The following TNIP3 variants were observed in gnomAD, a reference collection of about 807,000 sequenced individuals.
The protein encoded by TNIP3 is TNFAIP3-interacting protein 3.
Under a neutral mutation model 54.1 loss-of-function variants are expected in TNIP3, and 34 were observed. That is an observed-to-expected ratio of 0.63 (90% confidence interval 0.48 to 0.84). The LOEUF (loss-of-function observed/expected upper bound fraction) is 0.84. Ranked by LOEUF, TNIP3 falls within the 40% of genes least tolerant of loss-of-function variation. The probability of loss-of-function intolerance (pLI) is 0.00; values close to 1 mark genes in which losing one functional copy is unlikely to be tolerated. For synonymous variants in TNIP3, 134 were observed against 136.8 expected (o/e 0.98, Z 0.14); for missense variants, 366 against 387.6 (o/e 0.94, Z 0.47).
intron 2 of TNIP3, among the ~76,000 whole-genome samples, chr4:121,209,497 AT>A (rs1372898348): frequency 6.6e-6 from 1 of 152,152 alleles, no homozygotes; most frequent in Non-Finnish European, 1.5e-5. Flanking sequence ...AAAACTACGC[AT>A]TTGTGGTCAG....
intron 2 of TNIP3, 45 bp from the exon 3 acceptor site, chr4:121,158,797 A>G (rs758950178): frequency 3.6e-5 from 54 of 1,502,328 alleles, no homozygotes; most frequent in Admixed American, 7.7e-5. Context: ...ATTTCTGCCC[A>G]TTTGGAAGTT....
intron 3 of TNIP3, among the ~76,000 whole-genome samples, chr4:121,170,596 G>T (rs945791131): frequency 3.3e-5 from 5 of 151,834 alleles, no homozygotes; most frequent in Non-Finnish European, 7.4e-5. Flanking sequence ...TTTTTTACTT[G>T]ATTTTGATTA....
upstream of TNIP3, among the ~76,000 whole-genome samples, chr4:121,220,185 A>G (rs1364959954): frequency 2.0e-5 from 3 of 152,240 alleles, no homozygotes; most frequent in Non-Finnish European, 4.4e-5. Flanking sequence ...TTTCTTATTG[A>G]TCACATAAGA....
Position 121,138,761 on chromosome 4 carries a change from A to G in TNIP3, c.886-77T>C, listed in dbSNP as rs113184206. 8.9e-4 allele frequency: 1,202 copies of G among 1,351,668 alleles called. 8 individuals carry two copies. In the African/African-American group the frequency reaches 0.015, roughly 17 times the overall value. The allele number at this position is 1,351,668 out of a possible 1,614,324, so 83.7% of individuals were successfully genotyped here. A position where few individuals can be genotyped will look rare whatever the true frequency, so the allele number is the denominator to read the frequency against. On this transcript the variant is annotated intron_variant, in intron 9 of 10. Coordinates refer to ENST00000057513, the MANE Select transcript of TNIP3 (RefSeq NM_024873.6). ...GGCATGTCAAAAATACAATTAGGCT[A>G]TGTGGCTTTTATTAAGCAGGCAACA...
chr4:121,192,127 C>A (rs1164562280), intron 2 of TNIP3, among the ~76,000 whole-genome samples: 3 of 152,082 alleles, frequency 2.0e-5, no homozygotes, highest in South Asian at 4.1e-4. Flanking sequence ...GATTACAAGT[C>A]TTGATTCTAC....
At chr4:121,176,818 T>C (rs28452005) in intron 3 of TNIP3, among the ~76,000 whole-genome samples, 5,396 of 152,252 alleles carry the variant, frequency 0.035, 319 homozygotes, top group African/African-American at 0.12. Context: ...TATATTAATC[T>C]CTGAACCAAC....
chr4:121,221,713 C>T (rs1381771553), intron 1 of TNIP3, among the ~76,000 whole-genome samples: 3 of 151,958 alleles, frequency 2.0e-5, no homozygotes, highest in Non-Finnish European at 4.4e-5. Context: ...GGCTGCACAT[C>T]GTTTGGCTAA....
intron 4 of TNIP3, among the ~76,000 whole-genome samples, chr4:121,155,894 A>C (rs894677157): frequency 6.6e-6 from 1 of 152,234 alleles, no homozygotes; most frequent in Non-Finnish European, 1.5e-5. Flanking sequence ...AAGGGAAAAT[A>C]TTTCTATTTG....
At chr4:121,224,628 T>C (rs1727182846) in intron 1 of TNIP3, among the ~76,000 whole-genome samples, 1 of 152,222 alleles carries the variant, frequency 6.6e-6, no homozygotes, top group Non-Finnish European at 1.5e-5. Context: ...TTTTAATTTG[T>C]CTACCTTAAA....
At chr4:121,182,547 A>G in intron 3 of TNIP3, 1 of 1,089,012 alleles carries the variant, frequency 9.2e-7, no homozygotes, top group Non-Finnish European at 1.3e-6. Context: ...GCTTCAGTTT[A>G]TCCTCTCAGC....
chr4:121,164,295 T>C lies in TNIP3; in HGVS notation c.-170A>G. 7.0e-7 allele frequency: 1 copy of C among 1,430,248 alleles called. No individual in the cohort carries two copies. The highest frequency in any genetic ancestry group is 1.5e-5 in the South Asian group (1 of 66,096). 88.6% of individuals were successfully genotyped at this position (1,430,248 alleles called of 1,614,324 possible). A position where few individuals can be genotyped will look rare whatever the true frequency, so the allele number is the denominator to read the frequency against. On this transcript the variant is annotated 5_prime_UTR_variant, in exon 1 of 11. Transcript: ENST00000057513. ...GGTTTTCATTAAAAATGAACAGAAGTGACTGTGGATAGGAATTACACAGAA... is the reference window on the plus strand; with the variant it reads ...GGTTTTCATTAAAAATGAACAGAAGCGACTGTGGATAGGAATTACACAGAA...
chr4:121,215,115 A>G (rs1469696336), intron 2 of TNIP3, among the ~76,000 whole-genome samples: 2 of 152,194 alleles, frequency 1.3e-5, no homozygotes, highest in Non-Finnish European at 2.9e-5. Context: ...TCCCTTTCCA[A>G]TTAATTTTAA....
At chr4:121,224,436 C>T (rs777043563) in intron 1 of TNIP3, among the ~76,000 whole-genome samples, 40 of 152,124 alleles carry the variant, frequency 2.6e-4, no homozygotes, top group Non-Finnish European at 4.0e-4. Context: ...ACTGGACTTC[C>T]GATACAGAAT....
At chr4:121,156,449 T>C (rs1579404256) in intron 4 of TNIP3, among the ~76,000 whole-genome samples, 3 of 152,318 alleles carry the variant, frequency 2.0e-5, no homozygotes, top group Admixed American at 2.0e-4. Flanking sequence ...AAGGGACTGA[T>C]AGAGCTTTAG....
rs192267184 is a variant in TNIP3 at position 121,178,487 on chromosome 4, A to G, written c.189+4189T>C. On this transcript the variant is annotated intron_variant, in intron 3 of 12. Coordinates refer to the TNIP3 transcript ENST00000507879. Reference sequence around the variant, plus strand: ...GGTTGCATTTGGAGTTCTCGAAGACATATTCCACATTGAGCACACTTGGCA... The same window carrying G: ...GGTTGCATTTGGAGTTCTCGAAGACGTATTCCACATTGAGCACACTTGGCA... Among the ~76,000 whole-genome samples, 260 of 152,328 alleles carry G rather than the reference A, an allele frequency of 1.7e-3. 1 individual carries two copies. Among genetic ancestry groups the G allele is most frequent in the African/African-American group, 5.5e-3 (229 of 41,576 alleles).
intron 1 of TNIP3, among the ~76,000 whole-genome samples, chr4:121,224,774 T>C (rs1181932170): frequency 6.6e-6 from 1 of 152,196 alleles, no homozygotes; most frequent in Admixed American, 6.5e-5. Flanking sequence ...TTAATATCTA[T>C]AATTGTTTTG....
intron 6 of TNIP3, among the ~76,000 whole-genome samples, chr4:121,149,468 C>A (rs1729614187): frequency 6.6e-6 from 1 of 152,188 alleles, no homozygotes; most frequent in South Asian, 2.1e-4. Flanking sequence ...TAATAGTGTT[C>A]TTAAAATAAA....
intron 2 of TNIP3, among the ~76,000 whole-genome samples, chr4:121,159,559 C>G (rs1730320841): frequency 6.6e-6 from 1 of 152,162 alleles, no homozygotes; most frequent in South Asian, 2.1e-4. Flanking sequence ...AGCCTAGGCT[C>G]CATTAACTGA....
intron 3 of TNIP3, among the ~76,000 whole-genome samples, chr4:121,181,125 T>C (rs1007440707): frequency 6.6e-6 from 1 of 152,108 alleles, no homozygotes; most frequent in Admixed American, 6.5e-5. Flanking sequence ...AATAAGGATG[T>C]AGAAGAGGTT....
Sources: allele counts gnomAD v4.1 joint callset (sites outside exome capture counted in the v4.1 genomes callset), GRCh38; gene constraint gnomAD v4.1.1; transcripts MANE v1.5; gene names NCBI Gene and HGNC (gene_info 2026-07-23, HGNC 2026-07-21).